The following NALCN variants were observed in gnomAD, a reference collection of about 807,000 sequenced individuals.
NALCN encodes sodium leak channel NALCN.
In NALCN, 111 loss-of-function variants were observed where a neutral mutation model predicts 225.3. The ratio of observed to expected loss-of-function variants is 0.49; its 90% CI spans 0.42 to 0.58. The LOEUF (loss-of-function observed/expected upper bound fraction) is 0.58. Ranked by LOEUF, NALCN falls within the 20% of genes least tolerant of loss-of-function variation. NALCN has a pLI of 0.00. For synonymous variants in NALCN, 764 were observed against 769.0 expected (o/e 0.99, Z 0.11); for missense variants, 1,378 against 2,202.4 (o/e 0.63, Z 7.49).
Position 101,064,369 on chromosome 13 carries a change from T to G in NALCN, c.4604+1035A>C, listed in dbSNP as rs141435833. ...TCCTGCTTAAGAAGCTGTTATGGGTTAAATGTTTCCTCCCAAAAAAAGATA... is the reference window on the plus strand; with the variant it reads ...TCCTGCTTAAGAAGCTGTTATGGGTGAAATGTTTCCTCCCAAAAAAAGATA... On this transcript the variant is annotated intron_variant, in intron 40 of 43. Coordinates refer to ENST00000251127, the MANE Select transcript of NALCN (RefSeq NM_052867.4). Among the ~76,000 whole-genome samples the G allele has an allele frequency of 3.1e-3, 473 of 152,304 alleles. 3 individuals carry two copies. Among genetic ancestry groups the G allele is most frequent in the African/African-American group, 0.011 (448 of 41,562 alleles).
intron 12 of NALCN, among the ~76,000 whole-genome samples, chr13:101,234,425 G>A (rs1254569940): frequency 2.6e-5 from 4 of 152,164 alleles, no homozygotes; most frequent in African/African-American, 9.7e-5. Context: ...TTAAATGTGA[G>A]AAATATGAAA....
intron 13 of NALCN, among the ~76,000 whole-genome samples, chr13:101,208,062 C>G (rs1174950054): frequency 6.6e-6 from 1 of 152,074 alleles, no homozygotes; most frequent in Non-Finnish European, 1.5e-5. Context: ...GACAACGAAC[C>G]CACCAGGAGG....
At position 101,053,880 on chromosome 13, in the gene NALCN, C is replaced by G. The variant is rs1376269437; in HGVS notation, c.*1415G>C. The G allele has an allele frequency of 2.0e-5, 3 of 152,140 alleles. No homozygotes were observed. Among genetic ancestry groups the G allele is most frequent in the Admixed American group, 1.3e-4 (2 of 15,254 alleles). The allele number at this position is 152,140 out of a possible 1,614,324, so 9.4% of individuals were successfully genotyped here. A position where few individuals can be genotyped will look rare whatever the true frequency, so the allele number is the denominator to read the frequency against. On this transcript the variant is annotated 3_prime_UTR_variant, in exon 44 of 44. Transcript: ENST00000251127. ...CCTTTTGGCCACATGACTGGTTGTT[C>G]TTTATCTCATAGTTACAATGAATCA... is the stretch of plus-strand genomic sequence containing the variant.
intron 13 of NALCN, among the ~76,000 whole-genome samples, chr13:101,214,455 G>C (rs1297216842): frequency 6.6e-6 from 1 of 151,770 alleles, no homozygotes; most frequent in Non-Finnish European, 1.5e-5. Context: ...TTTTAAAAAA[G>C]TCTATCCATC....
At chr13:101,189,580 G>A (rs993538012) in intron 14 of NALCN, among the ~76,000 whole-genome samples, 1 of 152,178 alleles carries the variant, frequency 6.6e-6, no homozygotes, top group Non-Finnish European at 1.5e-5. Flanking sequence ...TGAGTCTTCA[G>A]AAATCAGATA....
chr13:101,119,447 G>A (rs2035866890), intron 18 of NALCN, among the ~76,000 whole-genome samples: 1 of 152,142 alleles, frequency 6.6e-6, no homozygotes, highest in Non-Finnish European at 1.5e-5. Flanking sequence ...CTGAGCATTC[G>A]AAAGGTTATA....
At chr13:101,190,635 A>G (rs2140000411) in intron 14 of NALCN, among the ~76,000 whole-genome samples, 1 of 152,350 alleles carries the variant, frequency 6.6e-6, no homozygotes, top group South Asian at 2.1e-4. Context: ...ACACCATGTA[A>G]CAATGAATTC....
At chr13:101,110,958 A>T (rs1594227056) in intron 19 of NALCN, among the ~76,000 whole-genome samples, 167 bp downstream of exon 19, 2 of 152,256 alleles carry the variant, frequency 1.3e-5, no homozygotes, top group East Asian at 3.9e-4. Context: ...GAATCTTTGG[A>T]TCTGATTAGG....
In NALCN at chr13:101,252,577, T is replaced by C. The variant is rs188563737; in HGVS notation, c.1266+5866A>G. Among the ~76,000 whole-genome samples the C allele has an allele frequency of 3.3e-3, 508 of 151,996 alleles. 8 individuals carry two copies. Among genetic ancestry groups the C allele is most frequent in the Non-Finnish European group, 1.3e-3 (91 of 67,970 alleles). On this transcript the variant is annotated intron_variant, in intron 11 of 43. Coordinates refer to ENST00000251127, the MANE Select transcript of NALCN (RefSeq NM_052867.4). ...TGGGGAGATATGGGAGTAGGCTGGGTAGGAGGGATAGACAGAGTTGAGGGT... is the reference window on the plus strand; with the variant it reads ...TGGGGAGATATGGGAGTAGGCTGGGCAGGAGGGATAGACAGAGTTGAGGGT...
chr13:101,313,589 C>T (rs553041716), intron 7 of NALCN, among the ~76,000 whole-genome samples: 4 of 152,196 alleles, frequency 2.6e-5, no homozygotes, highest in African/African-American at 9.6e-5. Context: ...TCATCACTGG[C>T]CATCAGAGAA....
At chr13:101,073,125 A>G (rs1469028746) in intron 37 of NALCN, among the ~76,000 whole-genome samples, 1 of 152,196 alleles carries the variant, frequency 6.6e-6, no homozygotes, top group East Asian at 1.9e-4. Flanking sequence ...GACAGGATAT[A>G]GTAAGAAGGA....
chr13:101,065,066 C>T (rs2032261123), intron 40 of NALCN, among the ~76,000 whole-genome samples: 2 of 152,192 alleles, frequency 1.3e-5, no homozygotes, highest in African/African-American at 4.8e-5. Context: ...CTCAGCTCTT[C>T]TGGGCAGTTC....
chr13:101,089,948 A>C lies in NALCN; in HGVS notation c.3288T>G (p.Phe1096Leu). The C allele has an allele frequency of 6.2e-7, 1 of 1,614,000 alleles. No individual in the cohort carries two copies. ...VPRVWANPRN[F>L]NFDNVGNAML... ...TAGCGTTTCCCACATTGTCGAAATT[A>C]AAGTTCCGAGGATTCGCCCTGCGAT... Residue 1096 changes from phenylalanine (F) to leucine (L), a missense_variant, in exon 29 of 44, where the codon TTT (phenylalanine) becomes TTG (leucine). By Grantham distance (22) the Phe-to-Leu change is conservative. Coordinates refer to ENST00000251127, the MANE Select transcript of NALCN (RefSeq NM_052867.4). The surrounding 1 kb of genome is among the most constrained non-coding windows in gnomAD (Gnocchi z 4.7).
intron 7 of NALCN, among the ~76,000 whole-genome samples, chr13:101,322,599 T>C (rs913604260): frequency 2.0e-5 from 3 of 152,264 alleles, no homozygotes; most frequent in African/African-American, 7.2e-5. Context: ...TGATCTCATA[T>C]GTTTAGTTTC....
intron 7 of NALCN, among the ~76,000 whole-genome samples, chr13:101,316,411 T>G (rs1001956016): frequency 6.6e-6 from 1 of 152,188 alleles, no homozygotes. Flanking sequence ...CCTCCTAGGA[T>G]TCCAGATTTA....
intron 9 of NALCN, among the ~76,000 whole-genome samples, chr13:101,288,895 T>A (rs889740023): frequency 3.9e-5 from 6 of 152,182 alleles, no homozygotes; most frequent in African/African-American, 1.4e-4. Context: ...CTCATCTCCA[T>A]CATGAGCTAG....
At chr13:101,127,606 C>A (rs953485202) in intron 17 of NALCN, among the ~76,000 whole-genome samples, 14 of 152,150 alleles carry the variant, frequency 9.2e-5, no homozygotes, top group African/African-American at 3.1e-4. Flanking sequence ...GATCCACCGA[C>A]CTTGGCCTCC....
chr13:101,394,282 T>C lies in NALCN; in HGVS notation c.291+901A>G, dbSNP rs528956239. On this transcript the variant is annotated intron_variant, in intron 3 of 43. Coordinates refer to ENST00000251127, the MANE Select transcript of NALCN (RefSeq NM_052867.4). ...AGGATGGCACACAATTAATTATGTA[T>C]AAAAGGGAAGCAATGAAATTGACAA... is the stretch of plus-strand genomic sequence containing the variant. 1.1e-4 allele frequency among the ~76,000 whole-genome samples: 16 copies of C among 152,334 alleles called. No homozygotes were observed. In the East Asian group the frequency reaches 3.1e-3, roughly 29 times the overall value.
rs544576129 is a variant in NALCN, at chr13:101,264,425, A to G, written c.1135-5851T>C. Among the ~76,000 whole-genome samples, 104 of 152,216 alleles carry G rather than the reference A, an allele frequency of 6.8e-4. No homozygotes were observed. In the South Asian group the frequency reaches 0.021, roughly 30 times the overall value. ...GACAGCTGGAATTTTCAAAATACAA[A>G]GAGTCTATACTAGATTAATCCCCAA... is the stretch of plus-strand genomic sequence containing the variant. On this transcript the variant is annotated intron_variant, in intron 10 of 43. Coordinates refer to ENST00000251127, the MANE Select transcript of NALCN (RefSeq NM_052867.4).
Sources: gnomAD v4.1 joint callset for allele counts (sites outside exome capture counted in the v4.1 genomes callset) on GRCh38, gnomAD v4.1.1 for gene constraint, Gnocchi (gnomAD v3.1) non-coding constraint, MANE v1.5 for transcripts, NCBI Gene and HGNC (gene_info 2026-07-23, HGNC 2026-07-21) for gene names.